CSMD1: variants seen among roughly 807,000 people sequenced by gnomAD.
The protein encoded by CSMD1 is CUB and Sushi multiple domains 1, also known as CUB and sushi domain-containing protein 1.
CSMD1 carries 213 observed loss-of-function variants against 417.5 expected under a neutral mutation model. The observed-to-expected ratio is 0.51, with a 90% CI of 0.46 to 0.57. CSMD1 has a LOEUF of 0.57. CSMD1 is among the 20% of genes least tolerant of loss of function. CSMD1 has a pLI of 0.00. For synonymous variants in CSMD1, 2,862 were observed against 1,736.8 expected (o/e 1.65, Z -16.11); for missense variants, 6,923 against 4,529.7 (o/e 1.53, Z -15.17).
intron 1 of CSMD1, among the ~76,000 whole-genome samples, chr8:4,917,169 G>C (rs188039988): frequency 2.0e-5 from 3 of 152,342 alleles, no homozygotes; most frequent in Admixed American, 2.0e-4. Flanking sequence ...GCTGGAGCAG[G>C]AGGAAGACAG....
chr8:3,768,844 G>GA (rs1563060131), intron 5 of CSMD1, among the ~76,000 whole-genome samples: 1 of 152,172 alleles, frequency 6.6e-6, no homozygotes, highest in African/African-American at 2.4e-5. Context: ...TAGTCTAAAA[G>GA]AAAAAATGCA....
At chr8:3,288,898 CA>C (rs1393576465) in intron 25 of CSMD1, among the ~76,000 whole-genome samples, 1 of 146,652 alleles carries the variant, frequency 6.8e-6, no homozygotes, top group East Asian at 2.0e-4. Context: ...CATATGTATA[CA>C]TGTGCCATGC....
intron 5 of CSMD1, among the ~76,000 whole-genome samples, chr8:3,797,398 T>A (rs1266377448): frequency 2.0e-5 from 3 of 152,116 alleles, no homozygotes; most frequent in African/African-American, 4.8e-5. Flanking sequence ...TTTTCATCAA[T>A]ATGGAAATTT....
At chr8:4,569,800 T>C (rs1798795536) in intron 2 of CSMD1, among the ~76,000 whole-genome samples, 1 of 152,374 alleles carries the variant, frequency 6.6e-6, no homozygotes, top group South Asian at 2.1e-4. Context: ...CATTTGTTTG[T>C]GTCCTCTTTT....
rs1299553518 is a variant in CSMD1 at position 3,682,563 on chromosome 8, G to C, written c.1009+25851C>G. Among the ~76,000 whole-genome samples, 6 of 152,174 alleles carry C rather than the reference G, an allele frequency of 3.9e-5. No homozygotes were observed. The East Asian group carries it at 1.2e-3, about 29-fold the overall frequency. ...AACAACAGGTGCTGGAGAGGATGTG[G>C]AGAAATAGGAACACTTTGACACTGT... is the stretch of plus-strand genomic sequence containing the variant. On this transcript the variant is annotated intron_variant, in intron 7 of 69. Coordinates refer to ENST00000635120, the MANE Select transcript of CSMD1 (RefSeq NM_033225.6).
intron 3 of CSMD1, among the ~76,000 whole-genome samples, chr8:4,228,016 C>G (rs562949786): frequency 6.6e-6 from 1 of 151,534 alleles, no homozygotes; most frequent in African/African-American, 2.4e-5. Flanking sequence ...TGGAGACATA[C>G]CCTCCACCCC....
At chr8:3,088,146 G>C (rs1407451364) in intron 48 of CSMD1, among the ~76,000 whole-genome samples, 4 of 152,148 alleles carry the variant, frequency 2.6e-5, no homozygotes, top group Non-Finnish European at 5.9e-5. Context: ...TTTAAAACTA[G>C]AGATGGGCAT....
intron 20 of CSMD1, among the ~76,000 whole-genome samples, chr8:3,363,341 G>C (rs569065823): frequency 6.6e-6 from 1 of 152,258 alleles, no homozygotes; most frequent in Non-Finnish European, 1.5e-5. Flanking sequence ...ATACAGAAAA[G>C]TCATTATGGG....
At chr8:4,965,699 T>A (rs1001948285) in intron 1 of CSMD1, among the ~76,000 whole-genome samples, 14 of 152,300 alleles carry the variant, frequency 9.2e-5, no homozygotes, top group African/African-American at 3.4e-4. Flanking sequence ...GATGTTCAAA[T>A]AAGATAATAA....
chr8:4,590,171 G>GTT (rs72043012), intron 2 of CSMD1, among the ~76,000 whole-genome samples: 3 of 149,186 alleles, frequency 2.0e-5, no homozygotes, highest in African/African-American at 2.5e-5. Context: ...TCTTTATGCT[G>GTT]TTTTTTTTTT....
chr8:4,453,667 G>T (rs997475486), intron 2 of CSMD1, among the ~76,000 whole-genome samples: 1 of 152,012 alleles, frequency 6.6e-6, no homozygotes, highest in East Asian at 1.9e-4. Context: ...GACACCTGCA[G>T]GTCCCGCAGT....
In CSMD1 at chr8:4,635,460, A is replaced by C. The variant is rs1802766314; in HGVS notation, c.302+1882T>G. 2.6e-5 allele frequency among the ~76,000 whole-genome samples: 4 copies of C among 152,292 alleles called. No individual in the cohort carries two copies. In the South Asian group the frequency reaches 8.3e-4, roughly 32 times the overall value. Reference sequence around the variant, plus strand: ...TTATTGAAAGACATACCTGTCAGTCAAATTAAGACAGGTTTTCTATATATG... The same window carrying C: ...TTATTGAAAGACATACCTGTCAGTCCAATTAAGACAGGTTTTCTATATATG... On this transcript the variant is annotated intron_variant, in intron 2 of 69. Coordinates refer to ENST00000635120, the MANE Select transcript of CSMD1 (RefSeq NM_033225.6).
chr8:3,363,115 T>C (rs12675248), intron 20 of CSMD1, among the ~76,000 whole-genome samples: 35,500 of 151,914 alleles, frequency 0.23, 4,212 homozygotes, highest in African/African-American at 0.29. Flanking sequence ...ACTTGGTGTC[T>C]TGGTCCTCCC....
intron 8 of CSMD1, among the ~76,000 whole-genome samples, chr8:3,590,684 A>C (rs191812140): frequency 1.2e-3 from 186 of 152,342 alleles, no homozygotes; most frequent in Non-Finnish European, 7.3e-4. Flanking sequence ...AAATATTAAC[A>C]GGAGCAACCT....
intron 10 of CSMD1, among the ~76,000 whole-genome samples, chr8:3,570,437 AAT>A (rs68062778): frequency 0.26 from 38,814 of 152,066 alleles, 6,203 homozygotes; most frequent in Non-Finnish European, 0.35. Flanking sequence ...AATTCTAGGA[AAT>A]ATGTCTTCCA....
Position 3,926,096 on chromosome 8 carries a change from C to CACACAAACACCAT in CSMD1, c.818+71806_818+71807insATGGTGTTTGTGT, listed in dbSNP as rs1809683115. On this transcript the variant is annotated intron_variant, in intron 5 of 69. Coordinates refer to ENST00000635120, the MANE Select transcript of CSMD1 (RefSeq NM_033225.6). The stretch of plus-strand genomic sequence containing the variant: ...CACAAACACCATACACACACACACA[C>CACACAAACACCAT]ACACACACACACACACACACACACA... 2.2e-3 allele frequency among the ~76,000 whole-genome samples: 177 copies of CACACAAACACCAT among 81,116 alleles called. 5 individuals are homozygous for CACACAAACACCAT. Among genetic ancestry groups the CACACAAACACCAT allele is most frequent in the African/African-American group, 9.3e-3 (175 of 18,856 alleles). 53.2% of individuals were successfully genotyped at this position (81,116 alleles called of 152,430 possible).
At chr8:3,934,385 A>G (rs538538653) in intron 5 of CSMD1, among the ~76,000 whole-genome samples, 2 of 152,314 alleles carry the variant, frequency 1.3e-5, no homozygotes, top group East Asian at 3.9e-4. Context: ...TGATTTTTTC[A>G]TCTTGTATTC....
intron 1 of CSMD1, among the ~76,000 whole-genome samples, chr8:4,874,440 C>CAGGT (rs1802920648): frequency 6.7e-6 from 1 of 148,208 alleles, no homozygotes; most frequent in Non-Finnish European, 1.5e-5. Flanking sequence ...CCCAGGCTGG[C>CAGGT]ATGCAGTGTT....
At chr8:3,348,282 T>C (rs1019597591) in intron 21 of CSMD1, 121 bp from the exon 22 acceptor site, 13 of 687,062 alleles carry the variant, frequency 1.9e-5, no homozygotes, top group Non-Finnish European at 3.0e-5. Context: ...GTTAGTAATA[T>C]ATTATTTCAA....
Sources: allele counts gnomAD v4.1 joint callset (sites outside exome capture counted in the v4.1 genomes callset), GRCh38; gene constraint gnomAD v4.1.1; transcripts MANE v1.5; gene names NCBI Gene and HGNC (gene_info 2026-07-23, HGNC 2026-07-21).